FNBP1: variants seen among roughly 807,000 people sequenced by gnomAD.
FNBP1 encodes formin-binding protein 1.
A neutral mutation model predicts 90.6 loss-of-function variants in FNBP1; 26 were observed. The ratio of observed to expected loss-of-function variants is 0.29; its 90% CI spans 0.21 to 0.40. The LOEUF is 0.40. Ranked by LOEUF, FNBP1 falls within the 10% of genes least tolerant of loss-of-function variation. The probability of loss-of-function intolerance (pLI) is 1.00; values close to 1 mark genes in which losing one functional copy is unlikely to be tolerated. For missense variants in FNBP1, 635 were observed against 768.0 expected (o/e 0.83, Z 2.05); for synonymous variants, 260 against 265.2 (o/e 0.98, Z 0.19).
chr9:129,929,723 C>T (rs751606450), intron 6 of FNBP1, 28 bp from the exon 7 acceptor site: 30 of 1,612,046 alleles, frequency 1.9e-5, no homozygotes, highest in Admixed American at 8.4e-5. Flanking sequence ...AATACTCCTA[C>T]GTTTATACAC....
intron 6 of FNBP1, among the ~76,000 whole-genome samples, chr9:129,938,936 T>C (rs1392489793): frequency 6.6e-6 from 1 of 152,100 alleles, no homozygotes; most frequent in East Asian, 1.9e-4. Flanking sequence ...CGCATGGTCA[T>C]TGGCAAGAGA....
At chr9:129,979,957 A>G (rs927336957) in intron 2 of FNBP1, among the ~76,000 whole-genome samples, 5 of 151,792 alleles carry the variant, frequency 3.3e-5, no homozygotes, top group African/African-American at 1.2e-4. Flanking sequence ...AGTGGCTTTC[A>G]TTTGTAGCAC....
intron 10 of FNBP1, among the ~76,000 whole-genome samples, chr9:129,922,134 C>T (rs1223119272): frequency 6.6e-6 from 1 of 151,606 alleles, no homozygotes; most frequent in Non-Finnish European, 1.5e-5. Flanking sequence ...GCCACTGGGC[C>T]CAGTCTAAAG....
intron 1 of FNBP1, among the ~76,000 whole-genome samples, chr9:130,015,170 A>G (rs1228065318): frequency 6.6e-6 from 1 of 152,150 alleles, no homozygotes; most frequent in Non-Finnish European, 1.5e-5. Context: ...CTTCCAACAA[A>G]TATTTTATTG....
At chr9:130,029,184 C>G (rs576044350) in intron 1 of FNBP1, among the ~76,000 whole-genome samples, 8 of 151,866 alleles carry the variant, frequency 5.3e-5, no homozygotes, top group Non-Finnish European at 7.4e-5. Context: ...GAAACAGGGT[C>G]TTGCTCTGTC....
chr9:129,948,190 T>A (rs1564405103), intron 6 of FNBP1, among the ~76,000 whole-genome samples: 1 of 151,864 alleles, frequency 6.6e-6, no homozygotes, highest in African/African-American at 2.4e-5. Context: ...GGAGGATCAC[T>A]TGAATCCACG....
intron 6 of FNBP1, among the ~76,000 whole-genome samples, chr9:129,943,214 C>G (rs1474746592): frequency 6.6e-6 from 1 of 152,130 alleles, no homozygotes; most frequent in African/African-American, 2.4e-5. Flanking sequence ...CAACAACCTA[C>G]AGTCTGCACA....
At chr9:129,990,640 C>T (rs181117143) in intron 2 of FNBP1, among the ~76,000 whole-genome samples, 235 of 152,228 alleles carry the variant, frequency 1.5e-3, no homozygotes, top group African/African-American at 5.2e-3. Flanking sequence ...GAAATGGGGA[C>T]GCACTGGAAT....
Position 129,889,076 on chromosome 9 carries a change from C to A in FNBP1, c.*1463G>T, listed in dbSNP as rs533409555. ...GAGGAGGGGCTGCTCTGCTCTAAGG[C>A]GTGGCGGGGGGGGGGGGTGGTGGCC... On this transcript the variant is annotated 3_prime_UTR_variant, in exon 17 of 17. Coordinates refer to ENST00000446176, the MANE Select transcript of FNBP1 (RefSeq NM_015033.3). 1 of 5,488 alleles carries A rather than the reference C, an allele frequency of 1.8e-4. No homozygotes were observed. The highest frequency in any genetic ancestry group is 8.9e-4 in the African/African-American group (1 of 1,126). The allele number at this position is 5,488 out of a possible 1,614,324, so 0.3% of individuals were successfully genotyped here.
chr9:129,913,413 T>C (rs2039696188), intron 11 of FNBP1, among the ~76,000 whole-genome samples: 1 of 152,094 alleles, frequency 6.6e-6, no homozygotes, highest in Non-Finnish European at 1.5e-5. Flanking sequence ...GAGAGGGTCA[T>C]ACACATGTAC....
At chr9:129,973,406 G>C (rs968943485) in intron 4 of FNBP1, among the ~76,000 whole-genome samples, 4 of 152,230 alleles carry the variant, frequency 2.6e-5, no homozygotes, top group Admixed American at 2.6e-4. Context: ...AGTCAAGTCA[G>C]GGTAGCCAAA....
At chr9:129,963,181 A>C (rs917917466) in intron 4 of FNBP1, among the ~76,000 whole-genome samples, 13 of 152,162 alleles carry the variant, frequency 8.5e-5, no homozygotes, top group Admixed American at 7.2e-4. Context: ...CTGAAAGTGA[A>C]TGTTTTAACA....
At chr9:129,950,825 G>A (rs1469226050) in intron 6 of FNBP1, among the ~76,000 whole-genome samples, 4 of 151,904 alleles carry the variant, frequency 2.6e-5, no homozygotes, top group African/African-American at 9.7e-5. Flanking sequence ...ACAGGGTCTT[G>A]CTCTGTCACC....
Position 129,900,525 on chromosome 9 carries a change from C to T in FNBP1, c.1451G>A (p.Gly484Asp), listed in dbSNP as rs1201297939. Residue 484 changes from glycine (G) to aspartate (D), a missense_variant, in exon 14 of 17, where the codon GGC (glycine) becomes GAC (aspartate). By Grantham distance (94) the Gly-to-Asp change is moderately conservative (BLOSUM62 -1). Coordinates refer to ENST00000446176, the MANE Select transcript of FNBP1 (RefSeq NM_015033.3). The surrounding 1 kb of genome is among the most constrained non-coding windows in gnomAD (Gnocchi z 4.1). ...KFEAWLAEVE[G>D]RLPARSEQAR... Reference sequence around the variant, plus strand: ...CTGCTCGCTGCGTGCTGGGAGCCGGCCTTCAACCTCAGCCAGCCAGGCCTG... The same window carrying T: ...CTGCTCGCTGCGTGCTGGGAGCCGGTCTTCAACCTCAGCCAGCCAGGCCTG... 2 of 1,578,018 alleles carry T rather than the reference C, an allele frequency of 1.3e-6. No homozygotes were observed. The highest frequency in any genetic ancestry group is 1.9e-5 in the Admixed American group (1 of 52,176).
At chr9:129,932,718 T>C (rs1048690547) in intron 6 of FNBP1, among the ~76,000 whole-genome samples, 15 of 152,144 alleles carry the variant, frequency 9.9e-5, no homozygotes, top group Admixed American at 3.3e-4. Flanking sequence ...ACTCCCTTCC[T>C]GACCATATGC....
chr9:129,904,772 C>T (rs1395279495), intron 12 of FNBP1, among the ~76,000 whole-genome samples: 1 of 152,006 alleles, frequency 6.6e-6, no homozygotes, highest in Non-Finnish European at 1.5e-5. Flanking sequence ...GCTTATTGTT[C>T]ACTGTCTGTC....
At chr9:130,026,734 C>T (rs917701729) in intron 1 of FNBP1, among the ~76,000 whole-genome samples, 1 of 152,030 alleles carries the variant, frequency 6.6e-6, no homozygotes, top group Non-Finnish European at 1.5e-5. Flanking sequence ...GGGTGGATCA[C>T]TTGAGCCCAG....
intron 1 of FNBP1, among the ~76,000 whole-genome samples, chr9:130,003,500 G>A (rs561900042): frequency 2.6e-5 from 4 of 152,162 alleles, no homozygotes; most frequent in East Asian, 1.9e-4. Context: ...CCAGCTACTC[G>A]GGAGGCTGAG....
intron 2 of FNBP1, among the ~76,000 whole-genome samples, chr9:129,991,043 C>T (rs376130287): frequency 3.3e-5 from 5 of 149,902 alleles, no homozygotes; most frequent in African/African-American, 9.8e-5. Context: ...AAGGGATTCT[C>T]CTGCCTTAGC....
Sources: allele counts gnomAD v4.1 joint callset (sites outside exome capture counted in the v4.1 genomes callset), GRCh38; gene constraint gnomAD v4.1.1; non-coding constraint Gnocchi (gnomAD v3.1); transcripts MANE v1.5; gene names NCBI Gene and HGNC (gene_info 2026-07-23, HGNC 2026-07-21).